The following MYO1G variants were observed in gnomAD, a reference collection of about 807,000 sequenced individuals.
The protein encoded by MYO1G is myosin IG.
In MYO1G, 65 loss-of-function variants were observed where a neutral mutation model predicts 115.3. The observed-to-expected ratio is 0.56, with a 90% CI of 0.46 to 0.69. The LOEUF (loss-of-function observed/expected upper bound fraction) is 0.69. Among genes scored for constraint, MYO1G ranks in the 30% least tolerant of loss-of-function variants. MYO1G has a pLI of 0.00. For synonymous variants in MYO1G, 510 were observed against 552.6 expected, an observed-to-expected ratio of 0.92 and a Z score of 1.08; for missense variants, 1,204 against 1,393.5, an observed-to-expected ratio of 0.86 and a Z score of 2.16.
intron 7 of MYO1G, 73 bp downstream of exon 7, chr7:44,971,600 C>G: frequency 1.8e-6 from 2 of 1,126,172 alleles, no homozygotes; most frequent in Non-Finnish European, 2.6e-6. Flanking sequence ...GTCTCCTCCT[C>G]ATCCCTGGGT....
Position 44,966,850 on chromosome 7 carries a change from G to A in MYO1G, c.1783-12C>T, listed in dbSNP as rs780969214. On this transcript the variant is annotated splice_polypyrimidine_tract_variant and intron_variant, in intron 14 of 21. Coordinates refer to ENST00000258787, the MANE Select transcript of MYO1G (RefSeq NM_033054.3). This position sits in a 1 kb window ranked among gnomAD's most constrained non-coding sequence, Gnocchi z 5.0. ...ACGTAGAAGGGCTCCTGCAGGGACA[G>A]AGGGGACTTGGAGAGGGTCTGCGCC... The A allele has an allele frequency of 2.5e-6, 4 of 1,594,456 alleles. No homozygotes were observed. In the Admixed American group the frequency reaches 6.8e-5, roughly 27 times the overall value.
chr7:44,966,483 G>C lies in MYO1G; in HGVS notation c.1949+189C>G. 1 of 843,924 alleles carries C rather than the reference G, an allele frequency of 1.2e-6. No individual in the cohort carries two copies. Among genetic ancestry groups the C allele is most frequent in the East Asian group, 2.6e-5 (1 of 37,888 alleles). The allele number at this position is 843,924 out of a possible 1,614,324, so 52.3% of individuals were successfully genotyped here. A position where few individuals can be genotyped will look rare whatever the true frequency, so the allele number is the denominator to read the frequency against. ...AGCCCTCATACCCATGTTCCCACCT[G>C]TATGTCCCCACATGCATGTGCTCAC... On this transcript the variant is annotated intron_variant, in intron 15 of 21. Coordinates refer to ENST00000258787, the MANE Select transcript of MYO1G (RefSeq NM_033054.3). This position sits in a 1 kb window ranked among gnomAD's most constrained non-coding sequence, Gnocchi z 5.0.
At chr7:44,976,285 C>T (rs1386075826) in intron 3 of MYO1G, among the ~76,000 whole-genome samples, 1 of 152,206 alleles carries the variant, frequency 6.6e-6, no homozygotes, top group Non-Finnish European at 1.5e-5. Flanking sequence ...GGCCCTGCTG[C>T]ACTTCTCCTC....
chr7:44,969,783 A>G lies in MYO1G; in HGVS notation c.1425T>C (p.Ala475=). The G allele has an allele frequency of 6.2e-7, 1 of 1,613,002 alleles. No homozygotes were observed. The highest frequency in any genetic ancestry group is 8.5e-7 in the Non-Finnish European group (1 of 1,179,946). The change falls in exon 11 of 22, where the codon GCT becomes GCC. Residue 475 remains alanine (A), a synonymous_variant. Transcript: ENST00000258787. This position sits in a 1 kb window ranked among gnomAD's most constrained non-coding sequence, Gnocchi z 5.0. ...GGAAGATTCGGTCAGTGATGGTGCC[A>G]GCAGAGCTGCAGGCCTCGTCCAGCA... The part of the protein sequence containing the change: ...LAVLDEACSS[A]GTITDRIFLQ...
intron 6 of MYO1G, 112 bp downstream of exon 6, chr7:44,972,003 C>G: frequency 5.5e-6 from 5 of 914,526 alleles, no homozygotes; most frequent in Admixed American, 3.8e-5. Flanking sequence ...TCCCCACTCA[C>G]GCAAACAGTT....
intron 5 of MYO1G, 76 bp from the exon 6 acceptor site, chr7:44,972,301 A>C (rs1269171116): frequency 9.1e-7 from 1 of 1,095,276 alleles, no homozygotes; most frequent in African/African-American, 1.5e-5. Flanking sequence ...GCAGGAGAAC[A>C]AACAGACTTG....
rs1794777002 is a variant in MYO1G, at chr7:44,963,067, C to T, written c.2803G>A (p.Gly935Ser). 6.6e-7 allele frequency: 1 copy of T among 1,521,720 alleles called. No homozygotes were observed. Among genetic ancestry groups the T allele is most frequent in the Non-Finnish European group, 8.8e-7 (1 of 1,140,294 alleles). 94.3% of individuals were successfully genotyped at this position (1,521,720 alleles called of 1,614,324 possible). A position where few individuals can be genotyped will look rare whatever the true frequency, so the allele number is the denominator to read the frequency against. Reference protein sequence around the residue: ...GDQLVVLHARGQDDLVVCLHR... With the variant: ...GDQLVVLHARSQDDLVVCLHR... ...AGGCACACCACGAGGTCGTCCTGGC[C>T]GCGGGCGTGCAGCACCACCAGCTGG... Residue 935 changes from glycine to serine, a missense_variant, in exon 21 of 22, where the codon GGC becomes AGC. Transcript: ENST00000258787. This position sits in a 1 kb window ranked among gnomAD's most constrained non-coding sequence, Gnocchi z 4.1.
Position 44,970,729 on chromosome 7 carries a change from G to A in MYO1G, c.1080C>T (p.Tyr360=). The A allele has an allele frequency of 6.2e-7, 1 of 1,614,000 alleles. No homozygotes were observed. The highest frequency in any genetic ancestry group is 8.5e-7 in the Non-Finnish European group (1 of 1,180,024). Residue 360 remains tyrosine (Y), a synonymous_variant, in exon 9 of 22, where the codon TAC becomes TAT. Coordinates refer to ENST00000258787, the MANE Select transcript of MYO1G (RefSeq NM_033054.3). The part of the protein sequence containing the change: ...YARDACAKAV[Y]QRLFEWVVNR... ...TCACCACCCACTCAAACAGCCGCTG[G>A]TACACTGCCTGGGGGATAGGAACAC...
intron 1 of MYO1G, among the ~76,000 whole-genome samples, chr7:44,977,645 C>T (rs73104181): frequency 0.14 from 21,340 of 152,134 alleles, 1,712 homozygotes; most frequent in Admixed American, 0.21. Context: ...TCTCCCCTGG[C>T]ACAGCCTCAG....
At chr7:44,978,756 G>A (rs372591763) in intron 1 of MYO1G, 111 bp downstream of exon 1, 3 of 1,012,336 alleles carry the variant, frequency 3.0e-6, no homozygotes, top group East Asian at 4.9e-5. Context: ...GTGTGCCACT[G>A]CCCCCTCCCT....
rs1794914040 is a variant in MYO1G, at chr7:44,969,617, A to G, written c.1503+88T>C. The G allele has an allele frequency of 2.5e-6, 4 of 1,580,114 alleles. No individual in the cohort carries two copies. Among genetic ancestry groups the G allele is most frequent in the Admixed American group, 1.7e-5 (1 of 59,720 alleles). On this transcript the variant is annotated intron_variant, in intron 11 of 21. Coordinates refer to ENST00000258787, the MANE Select transcript of MYO1G (RefSeq NM_033054.3). The surrounding 1 kb of genome is among the most constrained non-coding windows in gnomAD (Gnocchi z 5.0). ...CAATGGCACCAAAGCTGGGTCCCCA[A>G]CCAGGCCCCACGAGGCATGGGCAGC...
At chr7:44,977,424 C>A (rs780406623) in intron 1 of MYO1G, among the ~76,000 whole-genome samples, 10 of 151,942 alleles carry the variant, frequency 6.6e-5, no homozygotes, top group Non-Finnish European at 1.3e-4. Context: ...CTGGGGTGAA[C>A]CCCGCAGGGC....
In MYO1G at chr7:44,970,879, G is replaced by A; in HGVS notation, c.1027C>T (p.His343Tyr). The change falls in exon 8 of 22, where the codon CAC (histidine) becomes TAC (tyrosine). Residue 343 changes from histidine (H) to tyrosine (Y), a missense_variant. Coordinates refer to ENST00000258787, the MANE Select transcript of MYO1G (RefSeq NM_033054.3). ...GCATAGCTGGCCTCAGCTGCAGTGT[G>A]GCCCTTCTCTATGAGTTCCCTGCCT... ...SGGRELIEKG[H>Y]TAAEASYARD... The A allele has an allele frequency of 6.2e-7, 1 of 1,613,608 alleles. No homozygotes were observed. The highest frequency in any genetic ancestry group is 8.5e-7 in the Non-Finnish European group (1 of 1,180,038).
Position 44,963,856 on chromosome 7 carries a change from G to C in MYO1G, c.2745+193C>G. 1 of 595,414 alleles carries C rather than the reference G, an allele frequency of 1.7e-6. No individual in the cohort carries two copies. Among genetic ancestry groups the C allele is most frequent in the East Asian group, 2.8e-5 (1 of 35,296 alleles). 36.9% of individuals were successfully genotyped at this position (595,414 alleles called of 1,614,324 possible). ...GGTGACTGGGCTGGTGGGGATCACA[G>C]GATGGGACCTTTCACTCTGTGGGCG... On this transcript the variant is annotated intron_variant, in intron 20 of 21. Coordinates refer to ENST00000258787, the MANE Select transcript of MYO1G (RefSeq NM_033054.3). This position sits in a 1 kb window ranked among gnomAD's most constrained non-coding sequence, Gnocchi z 4.1.
At position 44,966,221 on chromosome 7, in the gene MYO1G, G is replaced by T; in HGVS notation, c.2009C>A (p.Ala670Asp). 1 of 1,612,224 alleles carries T rather than the reference G, an allele frequency of 6.2e-7. No homozygotes were observed. The highest frequency in any genetic ancestry group is 8.5e-7 in the Non-Finnish European group (1 of 1,179,776). Residue 670 changes from alanine (A) to aspartate (D), a missense_variant, in exon 16 of 22, where the codon GCC (alanine) becomes GAC (aspartate). Ala to Asp is a moderately radical substitution (Grantham distance 126). Transcript: ENST00000258787. This position sits in a 1 kb window ranked among gnomAD's most constrained non-coding sequence, Gnocchi z 5.0. ...PNHLLGSDKAAVSALLEQHGL... is the reference protein window; with the variant it reads ...PNHLLGSDKADVSALLEQHGL... ...GTGCTGCTCCAGGAGAGCGCTCACG[G>T]CTGCCTTGTCGGAGCCCAGCAGGTG...
At chr7:44,972,332 C>T (rs750937536) in intron 5 of MYO1G, 107 bp from the exon 6 acceptor site, 33 of 819,106 alleles carry the variant, frequency 4.0e-5, no homozygotes, top group South Asian at 5.8e-5. Flanking sequence ...CAGTATTGAA[C>T]GAACAAACGT....
In MYO1G at chr7:44,969,614, C is replaced by T. The variant is rs1794913774; in HGVS notation, c.1503+91G>A. 3 of 1,581,764 alleles carry T rather than the reference C, an allele frequency of 1.9e-6. No homozygotes were observed. ...CGACAATGGCACCAAAGCTGGGTCC[C>T]CAACCAGGCCCCACGAGGCATGGGC... On this transcript the variant is annotated intron_variant, in intron 11 of 21. Transcript: ENST00000258787. This position sits in a 1 kb window ranked among gnomAD's most constrained non-coding sequence, Gnocchi z 5.0.
chr7:44,976,514 A>G, intron 3 of MYO1G, 50 bp downstream of exon 3: 1 of 1,564,462 alleles, frequency 6.4e-7, no homozygotes, highest in Admixed American at 1.7e-5. Context: ...TGCCACACTG[A>G]GGTCCCTGGC....
chr7:44,970,776 C>G, intron 8 of MYO1G, 39 bp from the exon 9 acceptor site: 1 of 1,613,470 alleles, frequency 6.2e-7, no homozygotes, highest in East Asian at 2.2e-5. Flanking sequence ...CTGCCTCTGG[C>G]CTGGCCTCCC....
Sources: allele counts gnomAD v4.1 joint callset (sites outside exome capture counted in the v4.1 genomes callset), GRCh38; gene constraint gnomAD v4.1.1; non-coding constraint Gnocchi (gnomAD v3.1); transcripts MANE v1.5; gene names NCBI Gene and HGNC (gene_info 2026-07-23, HGNC 2026-07-21).